Variants in SHTN1 observed in about 807,000 individuals in gnomAD.
SHTN1 encodes shootin-1.
In SHTN1, 42 loss-of-function variants were observed where a neutral mutation model predicts 83.1. The ratio of observed to expected loss-of-function variants is 0.51; its 90% confidence interval spans 0.39 to 0.65. SHTN1 has a LOEUF of 0.65. SHTN1 is among the 30% of genes least tolerant of loss of function. The pLI is 0.00. For synonymous variants in SHTN1, 224 were observed against 247.7 expected, an observed-to-expected ratio of 0.90 and a Z score of 0.90; for missense variants, 622 against 737.8, an observed-to-expected ratio of 0.84 and a Z score of 1.82.
chr10:116,968,716 A>G lies in SHTN1; in HGVS notation c.112-4T>C. 6.2e-7 allele frequency: 1 copy of G among 1,608,314 alleles called. No homozygotes were observed. The highest frequency in any genetic ancestry group is 8.5e-7 in the Non-Finnish European group (1 of 1,175,758). ...GTTCTTGCCTAATTTTGTCACACTG[A>G]AATGAGAGAAGTAAACAAATGTTAA... On this transcript the variant is annotated splice_region_variant and splice_polypyrimidine_tract_variant and intron_variant, in intron 2 of 16. Transcript: ENST00000355371.
chr10:117,088,027 C>G (rs1286071761), intron 1 of SHTN1, among the ~76,000 whole-genome samples: 1 of 152,140 alleles, frequency 6.6e-6, no homozygotes, highest in Non-Finnish European at 1.5e-5. Context: ...ACAAAACAAA[C>G]CAAAATAACA....
At chr10:116,911,708 A>C in intron 14 of SHTN1, 82 bp downstream of exon 14, 1 of 1,580,086 alleles carries the variant, frequency 6.3e-7, no homozygotes, top group Non-Finnish European at 8.7e-7. Flanking sequence ...ACACACCACA[A>C]ACAATTCACA....
chr10:117,091,977 G>A (rs550688914), intron 1 of SHTN1, among the ~76,000 whole-genome samples: 1 of 152,288 alleles, frequency 6.6e-6, no homozygotes, highest in Non-Finnish European at 1.5e-5. Flanking sequence ...TTTACATACA[G>A]TGTCTCATTT....
chr10:117,068,615 A>C (rs575729157), intron 1 of SHTN1, among the ~76,000 whole-genome samples: 31 of 148,644 alleles, frequency 2.1e-4, no homozygotes, highest in Non-Finnish European at 3.7e-4. Flanking sequence ...CTCCATCTGA[A>C]AAAAAAAAAA....
intron 1 of SHTN1, among the ~76,000 whole-genome samples, chr10:116,983,468 G>T (rs531898127): frequency 1.5e-4 from 23 of 152,246 alleles, no homozygotes; most frequent in African/African-American, 5.3e-4. Flanking sequence ...ACAATTTGTT[G>T]CAGTAAAGAA....
chr10:116,917,944 TTC>T (rs1564875679), intron 12 of SHTN1, among the ~76,000 whole-genome samples: 2 of 152,222 alleles, frequency 1.3e-5, no homozygotes, highest in Non-Finnish European at 2.9e-5. Context: ...TACACAAGCT[TTC>T]TCTCTTGCCG....
intron 2 of SHTN1, among the ~76,000 whole-genome samples, chr10:116,975,249 T>C (rs947184521): frequency 1.3e-5 from 2 of 152,210 alleles, no homozygotes; most frequent in South Asian, 2.1e-4. Flanking sequence ...ATGTGATACA[T>C]ACATACATAA....
At chr10:116,917,242 G>C (rs895168658) in intron 12 of SHTN1, among the ~76,000 whole-genome samples, 3 of 152,222 alleles carry the variant, frequency 2.0e-5, no homozygotes, top group Non-Finnish European at 4.4e-5. Flanking sequence ...AACCCAGGGA[G>C]ATAAAACCCA....
At chr10:116,973,914 C>T (rs1246574724) in intron 2 of SHTN1, 15 of 1,283,084 alleles carry the variant, frequency 1.2e-5, no homozygotes, top group South Asian at 2.5e-5. Flanking sequence ...TAATAGTAGT[C>T]GACAATTCTA....
intron 11 of SHTN1, among the ~76,000 whole-genome samples, chr10:116,922,896 G>A (rs1848613162): frequency 6.6e-6 from 1 of 151,940 alleles, no homozygotes; most frequent in East Asian, 1.9e-4. Flanking sequence ...AACCTGGGAG[G>A]CGGAAGTTGC....
chr10:117,118,823 G>A (rs1490962136), intron 1 of SHTN1, among the ~76,000 whole-genome samples: 1 of 152,162 alleles, frequency 6.6e-6, no homozygotes, highest in Non-Finnish European at 1.5e-5. Flanking sequence ...AAGAGCTAAT[G>A]GATTCCGTGC....
chr10:116,947,531 A>G (rs1849637150), intron 7 of SHTN1, among the ~76,000 whole-genome samples: 1 of 152,226 alleles, frequency 6.6e-6, no homozygotes, highest in Non-Finnish European at 1.5e-5. Flanking sequence ...TGTGAATTAT[A>G]GGTCCCTGAG....
At chr10:116,999,005 T>G (rs1051194680) in intron 1 of SHTN1, among the ~76,000 whole-genome samples, 1 of 152,222 alleles carries the variant, frequency 6.6e-6, no homozygotes. Flanking sequence ...AAGCATTTTC[T>G]TTTTAGAGAG....
intron 2 of SHTN1, among the ~76,000 whole-genome samples, chr10:117,017,931 T>TA (rs1719763886): frequency 6.6e-6 from 1 of 151,892 alleles, no homozygotes; most frequent in Non-Finnish European, 1.5e-5. Context: ...ATAATAATAA[T>TA]AAAAAAAGAA....
At chr10:116,974,449 C>A (rs1032051628) in intron 2 of SHTN1, among the ~76,000 whole-genome samples, 2 of 152,046 alleles carry the variant, frequency 1.3e-5, no homozygotes, top group Admixed American at 6.6e-5. Flanking sequence ...GAATATTACA[C>A]AAGAGGAAGA....
chr10:117,122,066 A>G (rs1589941278), intron 1 of SHTN1, among the ~76,000 whole-genome samples: 2 of 152,106 alleles, frequency 1.3e-5, no homozygotes, highest in East Asian at 3.9e-4. Context: ...AAATAAAGAA[A>G]TAAATCATCT....
intron 1 of SHTN1, among the ~76,000 whole-genome samples, chr10:116,999,063 A>C (rs1356271158): frequency 1.3e-5 from 2 of 152,118 alleles, no homozygotes; most frequent in Non-Finnish European, 2.9e-5. Flanking sequence ...TCCTGGGCTC[A>C]AGGTATCCTC....
intron 1 of SHTN1, among the ~76,000 whole-genome samples, chr10:117,094,120 C>T (rs1853473668): frequency 6.6e-6 from 1 of 152,176 alleles, no homozygotes; most frequent in African/African-American, 2.4e-5. Flanking sequence ...CTCCGTTGCT[C>T]TGCCACTATC....
At chr10:116,990,287 C>CTTTTTTTTTTTTTTT (rs11399364) in intron 1 of SHTN1, among the ~76,000 whole-genome samples, 9 of 119,916 alleles carry the variant, frequency 7.5e-5, no homozygotes, top group African/African-American at 2.6e-4. Flanking sequence ...TTTTTTCTTT[C>CTTTTTTTTTTTTTTT]TTTTTTTTTT....
Sources: gnomAD v4.1 joint callset for allele counts (sites outside exome capture counted in the v4.1 genomes callset) on GRCh38, gnomAD v4.1.1 for gene constraint, MANE v1.5 for transcripts, NCBI Gene and HGNC (gene_info 2026-07-23, HGNC 2026-07-21) for gene names.